SPATA6: variants seen among roughly 807,000 people sequenced by gnomAD.
The protein encoded by SPATA6 is spermatogenesis-associated protein 6.
In SPATA6, 56 loss-of-function variants were observed where a neutral mutation model predicts 65.3. The ratio of observed to expected loss-of-function variants is 0.86; its 90% CI spans 0.69 to 1.07. The LOEUF (loss-of-function observed/expected upper bound fraction) is 1.07, where lower values mean the gene tolerates loss of function less well. Ranked by LOEUF, SPATA6 falls within the 50% of genes least tolerant of loss-of-function variation. The pLI, the probability that SPATA6 is intolerant of heterozygous loss-of-function variation, is 0.00. For synonymous variants in SPATA6, 199 were observed against 213.2 expected, an observed-to-expected ratio of 0.93 and a Z score of 0.58; for missense variants, 590 against 594.8, an observed-to-expected ratio of 0.99 and a Z score of 0.08.
Position 48,395,236 on chromosome 1 carries a change from C to T in SPATA6, c.868+31G>A, listed in dbSNP as rs757572035. The T allele has an allele frequency of 4.7e-6, 7 of 1,490,872 alleles. No individual in the cohort carries two copies. In the South Asian group the frequency reaches 6.8e-5, roughly 15 times the overall value. 92.4% of individuals were successfully genotyped at this position (1,490,872 alleles called of 1,614,324 possible). ...GGCTTGATTGTAGCTCAGGCAACTA[C>T]AGCAATGAATAAAGACAACTTCTAG... On this transcript the variant is annotated intron_variant, in intron 8 of 12. Transcript: ENST00000371847.
intron 1 of SPATA6, among the ~76,000 whole-genome samples, chr1:48,471,213 A>C (rs1475623413): frequency 6.6e-6 from 1 of 152,162 alleles, no homozygotes; most frequent in Non-Finnish European, 1.5e-5. Flanking sequence ...AGGATGGAGG[A>C]AAGCATCCTC....
At chr1:48,459,527 C>G (rs922155348) in intron 1 of SPATA6, among the ~76,000 whole-genome samples, 5 of 152,086 alleles carry the variant, frequency 3.3e-5, no homozygotes, top group African/African-American at 1.2e-4. Flanking sequence ...CAGTACTTCC[C>G]TTTCAATAAC....
chr1:48,281,976 C>T, the SPATA6 span, among the ~76,000 whole-genome samples: 2 of 152,040 alleles, frequency 1.3e-5, no homozygotes, highest in Non-Finnish European at 2.9e-5. Context: ...GTACTGGTAC[C>T]AAAACAGAGA....
At chr1:48,442,376 C>T (rs970789388) in intron 3 of SPATA6, among the ~76,000 whole-genome samples, 6 of 152,082 alleles carry the variant, frequency 3.9e-5, no homozygotes, top group African/African-American at 1.4e-4. Flanking sequence ...CCATTAAATA[C>T]CACAAGGAAA....
intron 9 of SPATA6, among the ~76,000 whole-genome samples, chr1:48,379,051 C>G (rs77222909): frequency 0.057 from 8,720 of 152,174 alleles, 371 homozygotes; most frequent in African/African-American, 0.11. Flanking sequence ...TGTTTTCACA[C>G]TGCTATAAAG....
intron 3 of SPATA6, among the ~76,000 whole-genome samples, chr1:48,416,435 A>G (rs1367409294): frequency 6.6e-6 from 1 of 152,184 alleles, no homozygotes; most frequent in Non-Finnish European, 1.5e-5. Flanking sequence ...CATTTACATA[A>G]CATATAGGAA....
intron 3 of SPATA6, among the ~76,000 whole-genome samples, chr1:48,418,544 CAAAAAAAAAAAAAAAA>C (rs34415296): frequency 1.8e-3 from 87 of 49,710 alleles, no homozygotes; most frequent in African/African-American, 6.9e-3. Flanking sequence ...CCCATCCCTA[CAAAAAAAAAAAAAAAA>C]AAAAAAAAAA....
At chr1:48,352,254 G>GC (rs1646532300) in intron 11 of SPATA6, among the ~76,000 whole-genome samples, 2 of 151,988 alleles carry the variant, frequency 1.3e-5, no homozygotes, top group South Asian at 2.1e-4. Context: ...GGAAAGACTT[G>GC]CCCCCATGAT....
At chr1:48,435,639 A>G (rs1434860404) in intron 3 of SPATA6, among the ~76,000 whole-genome samples, 1 of 152,132 alleles carries the variant, frequency 6.6e-6, no homozygotes, top group Non-Finnish European at 1.5e-5. Context: ...CGCACCAATC[A>G]GCACTCTGGG....
chr1:48,292,813 G>A (rs72679320), downstream of SPATA6, among the ~76,000 whole-genome samples: 20,513 of 152,292 alleles, frequency 0.13, 1,819 homozygotes, highest in South Asian at 0.22. Flanking sequence ...AGATGAATGT[G>A]GTGGTTAAAA....
At chr1:48,370,041 T>A (rs1407271011) in intron 9 of SPATA6, among the ~76,000 whole-genome samples, 1 of 152,198 alleles carries the variant, frequency 6.6e-6, no homozygotes, top group Non-Finnish European at 1.5e-5. Context: ...AAAAGTTGCT[T>A]ACACAGTAAG....
intron 11 of SPATA6, 108 bp downstream of exon 11, chr1:48,355,562 G>T (rs1646633984): frequency 6.9e-6 from 5 of 725,108 alleles, no homozygotes; most frequent in South Asian, 2.3e-5. Context: ...GAGCTTGCTT[G>T]CTTTCTTTTT....
At chr1:48,381,613 TAAAC>T (rs752643500) in intron 9 of SPATA6, among the ~76,000 whole-genome samples, 1 of 146,522 alleles carries the variant, frequency 6.8e-6, no homozygotes, top group Non-Finnish European at 1.5e-5. Context: ...AGTAAGTACA[TAAAC>T]AATGATATTT....
At chr1:48,368,248 T>G (rs892708881) in intron 9 of SPATA6, among the ~76,000 whole-genome samples, 2 of 152,282 alleles carry the variant, frequency 1.3e-5, no homozygotes, top group Admixed American at 1.3e-4. Flanking sequence ...CATTTAAACT[T>G]TGGTGAATCT....
At chr1:48,421,924 T>C (rs915465728) in intron 3 of SPATA6, among the ~76,000 whole-genome samples, 2 of 152,034 alleles carry the variant, frequency 1.3e-5, no homozygotes, top group Non-Finnish European at 2.9e-5. Flanking sequence ...ATTAAAGAGA[T>C]TTATCTTAGA....
rs1191738026 is a variant in SPATA6, at chr1:48,462,547, A to G, written c.51+9411T>C. 3.3e-5 allele frequency among the ~76,000 whole-genome samples: 5 copies of G among 152,276 alleles called. No homozygotes were observed. The East Asian group carries it at 9.7e-4, about 29-fold the overall frequency. On this transcript the variant is annotated intron_variant, in intron 1 of 12. Transcript: ENST00000371847. ...ATAGTGAAGATTTTAATACCTCTCC[A>G]TTACAAATGGGTAGATCATGCAGAC...
chr1:48,308,377 C>T (rs1446830091), intron 11 of SPATA6, among the ~76,000 whole-genome samples: 1 of 152,000 alleles, frequency 6.6e-6, no homozygotes, highest in African/African-American at 2.4e-5. Flanking sequence ...CTTTTAATTG[C>T]TATTTTTACA....
At chr1:48,360,566 A>G (rs935580237) in intron 9 of SPATA6, among the ~76,000 whole-genome samples, 1 of 152,140 alleles carries the variant, frequency 6.6e-6, no homozygotes, top group Admixed American at 6.6e-5. Context: ...GACATGCTTG[A>G]TATTAGCAAG....
At chr1:48,323,269 G>A (rs1645652645) in intron 11 of SPATA6, among the ~76,000 whole-genome samples, 1 of 152,030 alleles carries the variant, frequency 6.6e-6, no homozygotes, top group Non-Finnish European at 1.5e-5. Context: ...TCCTTTGCAG[G>A]GACAGGGATG....
Sources: allele counts gnomAD v4.1 joint callset (sites outside exome capture counted in the v4.1 genomes callset), GRCh38; gene constraint gnomAD v4.1.1; transcripts MANE v1.5; gene names NCBI Gene and HGNC (gene_info 2026-07-23, HGNC 2026-07-21).